The following ZNRF3 variants were observed in gnomAD, a reference collection of about 807,000 sequenced individuals.
ZNRF3 encodes zinc and ring finger 3.
A neutral mutation model predicts 72.5 loss-of-function variants in ZNRF3; 23 were observed. That is an observed-to-expected ratio of 0.32 (90% CI 0.23 to 0.45). The LOEUF is 0.45. ZNRF3 is among the 20% of genes least tolerant of loss of function. The pLI, the probability that ZNRF3 is intolerant of heterozygous loss-of-function variation, is 1.00. For synonymous variants in ZNRF3, 610 were observed against 545.3 expected (o/e 1.12, Z -1.65); for missense variants, 1,169 against 1,272.1 (o/e 0.92, Z 1.23).
chr22:29,042,291 A>G (rs1414115514), intron 2 of ZNRF3, among the ~76,000 whole-genome samples: 3 of 152,190 alleles, frequency 2.0e-5, no homozygotes, highest in Non-Finnish European at 2.9e-5. Context: ...ATTTGAAACT[A>G]TATGTTATTG....
At chr22:28,981,496 C>G (rs2035763624) in intron 1 of ZNRF3, among the ~76,000 whole-genome samples, 2 of 151,890 alleles carry the variant, frequency 1.3e-5, no homozygotes, top group Admixed American at 6.6e-5. Flanking sequence ...GGTTTAGGGC[C>G]TAGTATTTCT....
intron 1 of ZNRF3, among the ~76,000 whole-genome samples, chr22:28,985,866 A>C (rs749522903): frequency 6.6e-6 from 1 of 152,226 alleles, no homozygotes; most frequent in Non-Finnish European, 1.5e-5. Context: ...AGAAGTCCCA[A>C]ACAGGTCTTC....
chr22:29,050,710 C>G lies in ZNRF3; in HGVS notation c.2529C>G (p.Pro843=), dbSNP rs749202402. ...ATGTGGACTGTGATCTGGGCCTGCC[C>G]TCGGACTGCCAAGGGACCCACAGCC... is the stretch of plus-strand genomic sequence containing the variant. ...PEDVDCDLGL[P]SDCQGTHSLG... Residue 843 remains proline (P), a synonymous_variant, in exon 8 of 9, where the codon CCC becomes CCG. Transcript: ENST00000544604. 1.2e-6 allele frequency: 2 copies of G among 1,611,792 alleles called. No individual in the cohort carries two copies. Among genetic ancestry groups the G allele is most frequent in the South Asian group, 1.1e-5 (1 of 90,824 alleles).
At chr22:29,020,597 C>T (rs1056598785) in intron 2 of ZNRF3, among the ~76,000 whole-genome samples, 2 of 151,728 alleles carry the variant, frequency 1.3e-5, no homozygotes, top group Non-Finnish European at 2.9e-5. Context: ...ATTTTTCATC[C>T]GTGGTTGGTT....
chr22:28,937,200 TATATATATA>T (rs1287212214), intron 1 of ZNRF3, among the ~76,000 whole-genome samples: 1 of 2,836 alleles, frequency 3.5e-4, no homozygotes, highest in Admixed American at 8.5e-3. Flanking sequence ...TATATATATA[TATATATATA>T]TATATATTTT....
intron 1 of ZNRF3, among the ~76,000 whole-genome samples, chr22:28,925,638 T>G (rs2123773103): frequency 6.6e-6 from 1 of 152,238 alleles, no homozygotes; most frequent in South Asian, 2.1e-4. Context: ...ACTATCTATA[T>G]TCCACCGTTA....
At chr22:29,017,675 G>C (rs1391539304) in intron 2 of ZNRF3, among the ~76,000 whole-genome samples, 1 of 152,044 alleles carries the variant, frequency 6.6e-6, no homozygotes, top group East Asian at 1.9e-4. Flanking sequence ...AGAATGGAAG[G>C]GGTTATGGTG....
intron 1 of ZNRF3, among the ~76,000 whole-genome samples, chr22:28,905,673 C>T (rs1334313731): frequency 6.6e-6 from 1 of 152,156 alleles, no homozygotes; most frequent in Non-Finnish European, 1.5e-5. Flanking sequence ...GCCTGGCAGA[C>T]AGAAGACCAG....
intron 1 of ZNRF3, among the ~76,000 whole-genome samples, chr22:28,926,119 C>T (rs770362404): frequency 1.3e-5 from 2 of 152,202 alleles, no homozygotes; most frequent in Non-Finnish European, 2.9e-5. Flanking sequence ...TCTCACATTT[C>T]CTAAAGCCTA....
intron 1 of ZNRF3, among the ~76,000 whole-genome samples, chr22:28,981,077 G>A (rs536890811): frequency 5.9e-5 from 9 of 152,206 alleles, no homozygotes; most frequent in African/African-American, 7.2e-5. Context: ...CACCATACAC[G>A]GAAGTATCCT....
chr22:28,938,004 A>G (rs1370644792), intron 1 of ZNRF3, among the ~76,000 whole-genome samples: 4 of 152,184 alleles, frequency 2.6e-5, no homozygotes, highest in Non-Finnish European at 4.4e-5. Flanking sequence ...TGTCAGAACA[A>G]AGGAGCCAAC....
intron 1 of ZNRF3, among the ~76,000 whole-genome samples, chr22:28,964,584 G>A (rs2035425794): frequency 1.3e-5 from 2 of 152,222 alleles, no homozygotes; most frequent in African/African-American, 4.8e-5. Flanking sequence ...AGGACAGGAA[G>A]ATCCTAAGGT....
Position 29,021,233 on chromosome 22 carries a change from A to C in ZNRF3, c.427-21262A>C, listed in dbSNP as rs1356457189. On this transcript the variant is annotated intron_variant, in intron 2 of 8. Transcript: ENST00000544604. ...GGGGAAACGAGCGAAACTCTGTCTC[A>C]AAAAAAATAAATAAATAAATAAATA... Among the ~76,000 whole-genome samples the C allele has an allele frequency of 2.0e-5, 3 of 151,558 alleles. No homozygotes were observed. The East Asian group carries it at 5.8e-4, about 29-fold the overall frequency.
chr22:28,977,993 C>T (rs754384039), intron 1 of ZNRF3, among the ~76,000 whole-genome samples: 1 of 152,170 alleles, frequency 6.6e-6, no homozygotes, highest in Non-Finnish European at 1.5e-5. Context: ...CTTTTGGCTT[C>T]GAAGTTCCCC....
chr22:28,964,643 C>T (rs748454832), intron 1 of ZNRF3, among the ~76,000 whole-genome samples: 3 of 152,210 alleles, frequency 2.0e-5, no homozygotes, highest in African/African-American at 2.4e-5. Flanking sequence ...GGGAGGCTGT[C>T]GTGAGACAGT....
At chr22:28,906,552 A>T (rs1036359522) in intron 1 of ZNRF3, among the ~76,000 whole-genome samples, 1 of 152,222 alleles carries the variant, frequency 6.6e-6, no homozygotes, top group South Asian at 2.1e-4. Flanking sequence ...CATGGGACAG[A>T]TAGCTTGTAC....
At chr22:28,917,054 A>T (rs1758010598) in intron 1 of ZNRF3, among the ~76,000 whole-genome samples, 2 of 152,070 alleles carry the variant, frequency 1.3e-5, no homozygotes, top group Admixed American at 6.6e-5. Flanking sequence ...AGTGTCAGTA[A>T]ATTATAGGAT....
intron 2 of ZNRF3, among the ~76,000 whole-genome samples, chr22:29,004,715 C>T (rs1601653544): frequency 6.7e-6 from 1 of 149,288 alleles, no homozygotes; most frequent in Non-Finnish European, 1.5e-5. Context: ...GGGCCTCATC[C>T]TGAGGAGGGT....
In ZNRF3 at chr22:29,042,536, T is replaced by C. The variant is rs1359279684; in HGVS notation, c.468T>C (p.Phe156=). The C allele has an allele frequency of 6.2e-7, 1 of 1,613,824 alleles. No individual in the cohort carries two copies. The highest frequency in any genetic ancestry group is 1.7e-5 in the Admixed American group (1 of 60,020). The change falls in exon 3 of 9, where the codon TTT becomes TTC. Residue 156 remains phenylalanine (F), a synonymous_variant. Coordinates refer to ENST00000544604, the MANE Select transcript of ZNRF3 (RefSeq NM_001206998.2). ...AGCGGGGAGCTACTGCAGTCATCTTTGATGTGTCTGAAAACCCAGAAGCTA... is the reference window on the plus strand; with the variant it reads ...AGCGGGGAGCTACTGCAGTCATCTTCGATGTGTCTGAAAACCCAGAAGCTA... ...AVQRGATAVI[F]DVSENPEAID...
Sources: gnomAD v4.1 joint callset for allele counts (sites outside exome capture counted in the v4.1 genomes callset) on GRCh38, gnomAD v4.1.1 for gene constraint, MANE v1.5 for transcripts, NCBI Gene and HGNC (gene_info 2026-07-23, HGNC 2026-07-21) for gene names.